TBC1D12: variants seen among roughly 807,000 people sequenced by gnomAD.
TBC1D12 encodes TBC1 domain family, member 12.
In TBC1D12, 56 loss-of-function variants were observed where a neutral mutation model predicts 86.7. The observed-to-expected ratio is 0.65, with a 90% CI of 0.52 to 0.81. The LOEUF (loss-of-function observed/expected upper bound fraction) is 0.81, where lower values mean the gene tolerates loss of function less well. Among genes scored for constraint, TBC1D12 ranks in the 30% least tolerant of loss-of-function variants. TBC1D12 has a pLI of 0.00. For missense variants in TBC1D12, 1,023 were observed against 1,038.8 expected, an observed-to-expected ratio of 0.98 and a Z score of 0.21; for synonymous variants, 421 against 411.7, an observed-to-expected ratio of 1.02 and a Z score of -0.27.
intron 9 of TBC1D12, among the ~76,000 whole-genome samples, chr10:94,519,626 T>G (rs1163538235): frequency 1.3e-5 from 2 of 152,218 alleles, no homozygotes; most frequent in Non-Finnish European, 2.9e-5. Context: ...TCACTGGGTT[T>G]AAGTCAAAGT....
intron 11 of TBC1D12, among the ~76,000 whole-genome samples, chr10:94,527,395 T>TG (rs1564993876): frequency 6.6e-6 from 1 of 151,786 alleles, no homozygotes; most frequent in South Asian, 2.1e-4. Flanking sequence ...GGCGTTTGTT[T>TG]TTTTTTTTTC....
intron 1 of TBC1D12, among the ~76,000 whole-genome samples, chr10:94,416,727 G>A (rs1373338893): frequency 6.6e-6 from 1 of 152,126 alleles, no homozygotes; most frequent in South Asian, 2.1e-4. Context: ...ATATGAGGAT[G>A]CATCAGTACT....
chr10:94,497,904 G>T (rs568947676), intron 5 of TBC1D12, among the ~76,000 whole-genome samples: 2 of 148,342 alleles, frequency 1.3e-5, no homozygotes, highest in Non-Finnish European at 3.0e-5. Flanking sequence ...CTCACTGCAA[G>T]CTCCGCCTCC....
intron 9 of TBC1D12, among the ~76,000 whole-genome samples, chr10:94,519,005 G>C (rs2134219347): frequency 6.6e-6 from 1 of 152,284 alleles, no homozygotes; most frequent in Non-Finnish European, 1.5e-5. Flanking sequence ...AACCTGGGAG[G>C]GGAAGGTTGC....
At chr10:94,459,647 G>A (rs1278563428) in intron 2 of TBC1D12, among the ~76,000 whole-genome samples, 1 of 152,202 alleles carries the variant, frequency 6.6e-6, no homozygotes, top group Non-Finnish European at 1.5e-5. Context: ...TGCCCCGTGG[G>A]GAGGTGGCTG....
intron 1 of TBC1D12, among the ~76,000 whole-genome samples, chr10:94,431,181 G>T (rs2055210049): frequency 6.6e-6 from 1 of 152,064 alleles, no homozygotes; most frequent in South Asian, 2.1e-4. Flanking sequence ...TTGGGATGCC[G>T]AGGTGGTTGG....
intron 1 of TBC1D12, among the ~76,000 whole-genome samples, chr10:94,417,809 C>T (rs999272451): frequency 6.7e-6 from 1 of 149,070 alleles, no homozygotes; most frequent in African/African-American, 2.5e-5. Flanking sequence ...AGTGCAGTGG[C>T]GCAGTCTTGG....
intron 2 of TBC1D12, among the ~76,000 whole-genome samples, chr10:94,466,712 A>G (rs941194949): frequency 3.9e-5 from 6 of 152,164 alleles, no homozygotes; most frequent in South Asian, 2.1e-4. Flanking sequence ...AGTTTCTTCT[A>G]ATGTTAGCAT....
intron 1 of TBC1D12, among the ~76,000 whole-genome samples, chr10:94,427,782 A>G (rs1208069173): frequency 6.9e-6 from 1 of 144,000 alleles, no homozygotes; most frequent in Admixed American, 7.2e-5. Context: ...CAGTGAGTCA[A>G]GATTGTGCCA....
intron 3 of TBC1D12, among the ~76,000 whole-genome samples, chr10:94,487,863 G>A (rs73327474): frequency 2.2e-4 from 27 of 123,300 alleles, no homozygotes; most frequent in Non-Finnish European, 2.0e-4. Context: ...TACCCAGCTG[G>A]TTTTTTTTTT....
chr10:94,484,098 T>C (rs185464873), intron 3 of TBC1D12, among the ~76,000 whole-genome samples: 2 of 152,304 alleles, frequency 1.3e-5, no homozygotes, highest in Admixed American at 6.5e-5. Flanking sequence ...TCAGTAGATA[T>C]ATGGATTTGT....
Position 94,402,667 on chromosome 10 carries a change from C to T in TBC1D12, c.54C>T (p.Leu18=). 2 of 1,610,180 alleles carry T rather than the reference C, an allele frequency of 1.2e-6. No homozygotes were observed. Among genetic ancestry groups the T allele is most frequent in the Non-Finnish European group, 1.7e-6 (2 of 1,178,956 alleles). The change falls in exon 1 of 13, where the codon CTC becomes CTT. Residue 18 remains leucine (L), a synonymous_variant. Transcript: ENST00000225235. The part of the protein sequence containing the change: ...GACSGRNPKL[L]PVPAPDPVGQ... ...GCTCGGGAAGAAACCCCAAGTTGCT[C>T]CCGGTGCCTGCGCCGGACCCCGTGG... is the stretch of plus-strand genomic sequence containing the variant.
In TBC1D12 at chr10:94,486,139, C is replaced by CT. The variant is rs1282522464; in HGVS notation, c.1212-7208dup. Among the ~76,000 whole-genome samples the CT allele has an allele frequency of 5.3e-3, 576 of 108,346 alleles. 7 individuals carry two copies. The highest frequency in any genetic ancestry group is 0.013 in the African/African-American group (377 of 28,162). The allele number at this position is 108,346 out of a possible 152,430, so 71.1% of individuals were successfully genotyped here. On this transcript the variant is annotated intron_variant, in intron 3 of 12. Coordinates refer to ENST00000225235, the MANE Select transcript of TBC1D12 (RefSeq NM_015188.2). The stretch of plus-strand genomic sequence containing the variant: ...CTTTTTCTTTTTTCTTCTTCTTCTT[C>CT]TTTTTTTTTTTTTTTTTTGTTATTG...
At chr10:94,439,794 A>G (rs1384146406) in intron 1 of TBC1D12, among the ~76,000 whole-genome samples, 1 of 152,252 alleles carries the variant, frequency 6.6e-6, no homozygotes, top group Non-Finnish European at 1.5e-5. Flanking sequence ...AGGTATTAGA[A>G]GAATCATCAA....
chr10:94,422,020 A>G (rs1351471400), intron 1 of TBC1D12, among the ~76,000 whole-genome samples: 1 of 152,132 alleles, frequency 6.6e-6, no homozygotes, highest in Admixed American at 6.5e-5. Flanking sequence ...AAAGTAGACA[A>G]CGTTTTAAAT....
At chr10:94,450,227 G>A (rs999019847) in intron 2 of TBC1D12, among the ~76,000 whole-genome samples, 6 of 152,184 alleles carry the variant, frequency 3.9e-5, no homozygotes, top group Admixed American at 3.9e-4. Context: ...AACTGCAGGG[G>A]ACAAGGGGTA....
At chr10:94,432,752 A>G (rs1386553408) in intron 1 of TBC1D12, among the ~76,000 whole-genome samples, 2 of 150,648 alleles carry the variant, frequency 1.3e-5, no homozygotes, top group Non-Finnish European at 2.9e-5. Context: ...TATAATATAT[A>G]ATTAGAACCA....
intron 6 of TBC1D12, among the ~76,000 whole-genome samples, chr10:94,506,623 TGG>T (rs1340319401): frequency 6.6e-6 from 1 of 152,154 alleles, no homozygotes; most frequent in African/African-American, 2.4e-5. Flanking sequence ...ACCCTGCATA[TGG>T]GAGTGCCGTG....
At chr10:94,453,692 T>A (rs537343808) in intron 2 of TBC1D12, among the ~76,000 whole-genome samples, 3 of 152,174 alleles carry the variant, frequency 2.0e-5, no homozygotes, top group Non-Finnish European at 2.9e-5. Context: ...GTCATCACCA[T>A]ACTCAAGGCC....
Sources: allele counts gnomAD v4.1 joint callset (sites outside exome capture counted in the v4.1 genomes callset), GRCh38; gene constraint gnomAD v4.1.1; transcripts MANE v1.5; gene names NCBI Gene and HGNC (gene_info 2026-07-23, HGNC 2026-07-21).